NTM: variants seen among roughly 807,000 people sequenced by gnomAD.
NTM encodes the protein neurotrimin.
In NTM, 13 loss-of-function variants were observed where a neutral mutation model predicts 42.1. The ratio of observed to expected loss-of-function variants is 0.31; its 90% CI spans 0.20 to 0.49. The LOEUF is 0.49. NTM is among the 20% of genes least tolerant of loss of function. The pLI, the probability that NTM is intolerant of heterozygous loss-of-function variation, is 0.99. For synonymous variants in NTM, 187 were observed against 179.2 expected (o/e 1.04, Z -0.35); for missense variants, 373 against 452.8 (o/e 0.82, Z 1.60).
At chr11:131,983,930 A>T (rs1054431171) in intron 2 of NTM, among the ~76,000 whole-genome samples, 3 of 152,200 alleles carry the variant, frequency 2.0e-5, no homozygotes, top group African/African-American at 7.2e-5. Flanking sequence ...CATAAGGGAG[A>T]TTGTTAAATG....
intron 3 of NTM, among the ~76,000 whole-genome samples, chr11:132,179,614 C>G (rs1053700005): frequency 6.6e-6 from 1 of 152,138 alleles, no homozygotes; most frequent in Non-Finnish European, 1.5e-5. Context: ...TGCATTTCCA[C>G]AAAGATCCTT....
At chr11:131,682,185 C>A (rs1332487513) in intron 1 of NTM, among the ~76,000 whole-genome samples, 2 of 152,196 alleles carry the variant, frequency 1.3e-5, no homozygotes, top group Non-Finnish European at 2.9e-5. Context: ...CTCACCCGTT[C>A]CTGATCTGAA....
intron 2 of NTM, among the ~76,000 whole-genome samples, chr11:131,936,861 C>A (rs2059278373): frequency 6.6e-6 from 1 of 152,120 alleles, no homozygotes; most frequent in Admixed American, 6.5e-5. Flanking sequence ...TGCTTATGTG[C>A]ATCTCATAAC....
At chr11:131,395,448 A>T (rs893884674) in intron 1 of NTM, among the ~76,000 whole-genome samples, 4 of 152,076 alleles carry the variant, frequency 2.6e-5, no homozygotes, top group African/African-American at 9.7e-5. Context: ...GCAGACACTC[A>T]TGTGCAAACT....
rs190326073 is a variant in NTM at position 131,377,316 on chromosome 11, G to A, written c.82+6428G>A. 1.3e-3 allele frequency among the ~76,000 whole-genome samples: 200 copies of A among 152,342 alleles called. 1 individual carries two copies. The highest frequency in any genetic ancestry group is 4.5e-3 in the African/African-American group (189 of 41,570). On this transcript the variant is annotated intron_variant, in intron 1 of 8. Coordinates refer to ENST00000683400, the MANE Select transcript of NTM (RefSeq NM_001352005.2). ...TCACTGTCTTTGTGGTCATTGTCTTGTGTGTTTGAGTTACTGGTTGATGCT... is the reference window on the plus strand; with the variant it reads ...TCACTGTCTTTGTGGTCATTGTCTTATGTGTTTGAGTTACTGGTTGATGCT...
chr11:132,057,850 T>C (rs1168135244), intron 2 of NTM, among the ~76,000 whole-genome samples: 1 of 152,188 alleles, frequency 6.6e-6, no homozygotes, highest in Non-Finnish European at 1.5e-5. Context: ...TTTTTTGGTT[T>C]GTTTGTGCCT....
chr11:131,831,316 G>A (rs576460643), intron 1 of NTM, among the ~76,000 whole-genome samples: 2 of 152,032 alleles, frequency 1.3e-5, no homozygotes, highest in East Asian at 1.9e-4. Flanking sequence ...TGCTTACAAG[G>A]CATATTAACA....
intron 1 of NTM, among the ~76,000 whole-genome samples, chr11:131,630,806 C>T (rs898367251): frequency 6.6e-6 from 1 of 152,080 alleles, no homozygotes; most frequent in Non-Finnish European, 1.5e-5. Context: ...GAATAGTTTT[C>T]TCTCCTTATC....
intron 1 of NTM, among the ~76,000 whole-genome samples, chr11:131,899,535 C>T (rs768486384): frequency 6.6e-6 from 1 of 152,166 alleles, no homozygotes; most frequent in Non-Finnish European, 1.5e-5. Flanking sequence ...AAAGGTCACA[C>T]TGGGTCACAT....
intron 4 of NTM, among the ~76,000 whole-genome samples, chr11:132,250,163 G>A (rs906908791): frequency 3.3e-5 from 5 of 152,166 alleles, no homozygotes; most frequent in African/African-American, 1.2e-4. Context: ...TGTTAAGTTG[G>A]AAGTCATTTT....
At chr11:132,176,722 GTTTTTTTTTTT>G (rs148699196) in intron 3 of NTM, among the ~76,000 whole-genome samples, 1 of 82,004 alleles carries the variant, frequency 1.2e-5, no homozygotes, top group Non-Finnish European at 2.2e-5. Flanking sequence ...CATGCCTAAA[GTTTTTTTTTTT>G]TTTTTTTTTT....
At position 131,736,959 on chromosome 11, in the gene NTM, G is replaced by A. The variant is rs528744190; in HGVS notation, c.83-174605G>A. ...TTAATGGAGGATGACTATGCAGGGA[G>A]CAATGCCATTGCAAGAGTCTCATAC... On this transcript the variant is annotated intron_variant, in intron 1 of 8. Coordinates refer to ENST00000683400, the MANE Select transcript of NTM (RefSeq NM_001352005.2). Among the ~76,000 whole-genome samples the A allele has an allele frequency of 4.1e-4, 62 of 152,330 alleles. 3 individuals carry two copies. In the South Asian group the frequency reaches 0.011, roughly 26 times the overall value.
intron 7 of NTM, among the ~76,000 whole-genome samples, chr11:132,324,967 A>G (rs1392202264): frequency 6.6e-6 from 1 of 151,754 alleles, no homozygotes; most frequent in East Asian, 1.9e-4. Context: ...GGCTAGCCAT[A>G]AGTAGAAAGC....
chr11:131,704,141 T>A (rs1002654654), intron 1 of NTM, among the ~76,000 whole-genome samples: 1 of 152,138 alleles, frequency 6.6e-6, no homozygotes, highest in Admixed American at 6.5e-5. Context: ...GATAACTCAA[T>A]CACCAGGCTG....
chr11:131,444,466 T>C (rs1486771962), intron 1 of NTM, among the ~76,000 whole-genome samples: 2 of 152,126 alleles, frequency 1.3e-5, no homozygotes, highest in African/African-American at 2.4e-5. Flanking sequence ...AAAAGCAGTT[T>C]CAATAGAATA....
chr11:132,289,801 G>T (rs1330341456), intron 4 of NTM, among the ~76,000 whole-genome samples: 2 of 152,172 alleles, frequency 1.3e-5, no homozygotes, highest in Non-Finnish European at 1.5e-5. Flanking sequence ...TCAGCACTGA[G>T]GTTTACCTCA....
At chr11:131,541,953 G>A (rs906071667) in intron 1 of NTM, among the ~76,000 whole-genome samples, 1 of 151,948 alleles carries the variant, frequency 6.6e-6, no homozygotes, top group Non-Finnish European at 1.5e-5. Flanking sequence ...TATCTTTTTG[G>A]TGTGTTCTTC....
intron 1 of NTM, among the ~76,000 whole-genome samples, chr11:131,382,577 T>G (rs550952573): frequency 6.6e-6 from 1 of 152,194 alleles, no homozygotes; most frequent in Admixed American, 6.5e-5. Flanking sequence ...GAACAAAACT[T>G]TGCCCCTCCC....
chr11:131,606,783 G>A (rs1397687920), intron 1 of NTM, among the ~76,000 whole-genome samples: 1 of 152,176 alleles, frequency 6.6e-6, no homozygotes, highest in Non-Finnish European at 1.5e-5. Context: ...AACTCTCCCT[G>A]GCAGTCTAAA....
Sources: gnomAD v4.1 joint callset for allele counts (sites outside exome capture counted in the v4.1 genomes callset) on GRCh38, gnomAD v4.1.1 for gene constraint, MANE v1.5 for transcripts, NCBI Gene and HGNC (gene_info 2026-07-23, HGNC 2026-07-21) for gene names.